The following FER1L6 variants were observed in gnomAD, a reference collection of about 807,000 sequenced individuals.
The protein encoded by FER1L6 is fer-1-like protein 6.
A neutral mutation model predicts 219.2 loss-of-function variants in FER1L6; 177 were observed. The observed-to-expected ratio is 0.81, with a 90% CI of 0.71 to 0.91. The LOEUF is 0.91. FER1L6 is among the 40% of genes least tolerant of loss of function. The probability of loss-of-function intolerance (pLI) is 0.00; values close to 1 mark genes in which losing one functional copy is unlikely to be tolerated. For synonymous variants in FER1L6, 768 were observed against 824.3 expected, an observed-to-expected ratio of 0.93 and a Z score of 1.17; for missense variants, 2,153 against 2,259.9, an observed-to-expected ratio of 0.95 and a Z score of 0.96.
chr8:124,024,176 G>A (rs942100800), intron 18 of FER1L6, among the ~76,000 whole-genome samples: 7 of 151,292 alleles, frequency 4.6e-5, no homozygotes, highest in Non-Finnish European at 7.4e-5. Context: ...GATTACAAGC[G>A]TGAGCCACCG....
chr8:123,956,421 A>G (rs1815023800), intron 2 of FER1L6, among the ~76,000 whole-genome samples: 1 of 152,202 alleles, frequency 6.6e-6, no homozygotes, highest in Admixed American at 6.5e-5. Flanking sequence ...TGCTGGGCTG[A>G]TCTCACACAG....
chr8:124,030,406 T>C (rs1003261357), intron 18 of FER1L6, among the ~76,000 whole-genome samples: 1 of 152,288 alleles, frequency 6.6e-6, no homozygotes, highest in East Asian at 1.9e-4. Context: ...GAACAGAATT[T>C]GCAGAACTCA....
intron 1 of FER1L6, among the ~76,000 whole-genome samples, chr8:123,872,776 G>A (rs934293088): frequency 1.3e-5 from 2 of 152,006 alleles, no homozygotes; most frequent in Non-Finnish European, 2.9e-5. Flanking sequence ...ACATCTACTG[G>A]GTATTACCAA....
chr8:124,005,394 AGTAT>A (rs1387557762), intron 13 of FER1L6, among the ~76,000 whole-genome samples: 2 of 152,206 alleles, frequency 1.3e-5, no homozygotes, highest in African/African-American at 4.8e-5. Context: ...GCCCCATGGC[AGTAT>A]CCCAATATGT....
intron 39 of FER1L6, among the ~76,000 whole-genome samples, chr8:124,114,895 G>GTATACA (rs1823175624): frequency 1.1e-5 from 1 of 90,050 alleles, no homozygotes; most frequent in Non-Finnish European, 2.3e-5. Flanking sequence ...GTGTGTGTGC[G>GTATACA]TATATATATA....
At chr8:123,999,808 C>T (rs559975553) in intron 12 of FER1L6, among the ~76,000 whole-genome samples, 29 of 152,266 alleles carry the variant, frequency 1.9e-4, no homozygotes, top group South Asian at 2.1e-4. Context: ...CTCCTCTCTC[C>T]CCTCCTCAAG....
chr8:123,857,570 T>A (rs553479192), intron 1 of FER1L6, among the ~76,000 whole-genome samples: 6 of 152,324 alleles, frequency 3.9e-5, no homozygotes, highest in Middle Eastern at 3.4e-3. Flanking sequence ...TAAAACTTTT[T>A]CCTTCCCTCC....
intron 1 of FER1L6, among the ~76,000 whole-genome samples, chr8:123,873,829 A>T (rs1052303916): frequency 6.6e-6 from 1 of 152,118 alleles, no homozygotes; most frequent in Non-Finnish European, 1.5e-5. Flanking sequence ...CCTCTGTATC[A>T]CATTCCTTTC....
chr8:123,966,131 A>G (rs758714465), intron 4 of FER1L6, 28 bp from the exon 5 acceptor site: 2 of 1,613,808 alleles, frequency 1.2e-6, no homozygotes, highest in African/African-American at 2.7e-5. Context: ...GGTGTCCGGA[A>G]TGGTGTCCAC....
chr8:123,927,533 A>T (rs13250190), intron 1 of FER1L6, among the ~76,000 whole-genome samples: 67,977 of 152,032 alleles, frequency 0.45, 15,388 homozygotes, highest in South Asian at 0.52. Context: ...TTAAATTGGA[A>T]TTTTGGCTTG....
intron 37 of FER1L6, among the ~76,000 whole-genome samples, chr8:124,100,381 C>T (rs1384066557): frequency 6.6e-6 from 1 of 152,134 alleles, no homozygotes; most frequent in Admixed American, 6.5e-5. Context: ...TAGGCATCAT[C>T]TCATGTGATT....
chr8:123,941,567 A>T (rs183993058), intron 1 of FER1L6, among the ~76,000 whole-genome samples: 1 of 152,292 alleles, frequency 6.6e-6, no homozygotes, highest in East Asian at 1.9e-4. Flanking sequence ...GCCATCAATA[A>T]TCCTTATTAC....
intron 1 of FER1L6, among the ~76,000 whole-genome samples, chr8:123,913,416 A>G (rs931108471): frequency 2.6e-5 from 4 of 152,118 alleles, no homozygotes; most frequent in Non-Finnish European, 4.4e-5. Flanking sequence ...AAATAGGAGC[A>G]TTTTCAACAT....
intron 12 of FER1L6, among the ~76,000 whole-genome samples, chr8:123,997,890 T>A (rs186404830): frequency 1.3e-5 from 2 of 152,322 alleles, no homozygotes; most frequent in East Asian, 3.9e-4. Context: ...TAAATTTGTC[T>A]GGTAGTATTC....
At chr8:124,001,507 C>A (rs111432477) in intron 12 of FER1L6, among the ~76,000 whole-genome samples, 3 of 152,178 alleles carry the variant, frequency 2.0e-5, no homozygotes, top group Non-Finnish European at 4.4e-5. Context: ...AGAGGTCAAA[C>A]AACCACCTCA....
At chr8:124,064,699 C>A (rs1820749194) in intron 26 of FER1L6, 126 bp downstream of exon 26, 1 of 807,238 alleles carries the variant, frequency 1.2e-6, no homozygotes, top group Non-Finnish European at 2.0e-6. Flanking sequence ...AGTATCGGTT[C>A]ATCCTTTGTA....
intron 39 of FER1L6, among the ~76,000 whole-genome samples, chr8:124,104,858 C>A (rs1406802798): frequency 6.6e-6 from 1 of 152,128 alleles, no homozygotes; most frequent in African/African-American, 2.4e-5. Context: ...TTCATTTCAT[C>A]CAACAAATAT....
chr8:124,040,329 C>T (rs1563760182), intron 20 of FER1L6: 2 of 338,574 alleles, frequency 5.9e-6, no homozygotes, highest in African/African-American at 2.1e-5. Context: ...AATGAGGAAA[C>T]AGCACAGATC....
At chr8:124,053,289 T>C (rs116329961) in intron 22 of FER1L6, among the ~76,000 whole-genome samples, 1 of 152,286 alleles carries the variant, frequency 6.6e-6, no homozygotes, top group African/African-American at 2.4e-5. Context: ...TCACTGTATT[T>C]GGAGTGGGCT....
Sources: gnomAD v4.1 joint callset for allele counts (sites outside exome capture counted in the v4.1 genomes callset) on GRCh38, gnomAD v4.1.1 for gene constraint, MANE v1.5 for transcripts, NCBI Gene and HGNC (gene_info 2026-07-23, HGNC 2026-07-21) for gene names.